The following PHKB variants were observed in gnomAD, a reference collection of about 807,000 sequenced individuals.
The protein encoded by PHKB is phosphorylase kinase regulatory subunit beta.
In PHKB, 122 loss-of-function variants were observed where a neutral mutation model predicts 152.1. The observed-to-expected ratio is 0.80, with a 90% CI of 0.69 to 0.93. PHKB has a LOEUF of 0.93. Ranked by LOEUF, PHKB falls within the 40% of genes least tolerant of loss-of-function variation. The pLI is 0.00. For missense variants in PHKB, 1,304 were observed against 1,328.4 expected (o/e 0.98, Z 0.29); for synonymous variants, 436 against 464.9 (o/e 0.94, Z 0.80).
intron 27 of PHKB, among the ~76,000 whole-genome samples, chr16:47,689,480 T>G (rs912220921): frequency 2.0e-5 from 3 of 152,210 alleles, no homozygotes; most frequent in Non-Finnish European, 4.4e-5. Flanking sequence ...TCAGTTTCCT[T>G]TCTGAACCTT....
At chr16:47,582,906 C>T (rs1971872631) in intron 8 of PHKB, among the ~76,000 whole-genome samples, 1 of 152,200 alleles carries the variant, frequency 6.6e-6, no homozygotes, top group Non-Finnish European at 1.5e-5. Flanking sequence ...AAGCGATTCT[C>T]CTGCCTCAGC....
chr16:47,543,925 T>C (rs1371003221), intron 6 of PHKB, among the ~76,000 whole-genome samples: 1 of 152,212 alleles, frequency 6.6e-6, no homozygotes, highest in East Asian at 1.9e-4. Flanking sequence ...ATGTAATACA[T>C]TTATTACATC....
At chr16:47,623,839 T>A (rs1765641505) in intron 14 of PHKB, among the ~76,000 whole-genome samples, 1 of 152,190 alleles carries the variant, frequency 6.6e-6, no homozygotes, top group South Asian at 2.1e-4. Flanking sequence ...ATTACAGGCG[T>A]GAGCCACCTC....
At chr16:47,495,809 G>A (rs1036158421) in intron 1 of PHKB, among the ~76,000 whole-genome samples, 2 of 152,154 alleles carry the variant, frequency 1.3e-5, no homozygotes, top group African/African-American at 4.8e-5. Flanking sequence ...GAGTACTGAT[G>A]TTCTGTATGT....
chr16:47,664,704 G>A (rs1973506661), intron 24 of PHKB, 181 bp from the exon 25 acceptor site: 1 of 622,614 alleles, frequency 1.6e-6, no homozygotes, highest in Non-Finnish European at 2.9e-6. Context: ...TTTCAAGTGT[G>A]GTCTGTAGTC....
Position 47,587,704 on chromosome 16 carries a change from G to A in PHKB, c.811G>A (p.Ala271Thr). 1.9e-6 allele frequency: 3 copies of A among 1,613,708 alleles called. No homozygotes were observed. Among genetic ancestry groups the A allele is most frequent in the Non-Finnish European group, 1.7e-6 (2 of 1,179,726 alleles). ...GTCAGTTATATTTGTGGATCTCGAT[G>A]CTCACAATCGCAACAGGCAAACTTT... ...SWSVIFVDLD[A>T]HNRNRQTLCS... Residue 271 changes from alanine to threonine, a missense_variant, in exon 9 of 31, where the codon GCT becomes ACT. Coordinates refer to ENST00000323584, the MANE Select transcript of PHKB (RefSeq NM_000293.3).
At chr16:47,583,122 A>G (rs1971877990) in intron 8 of PHKB, among the ~76,000 whole-genome samples, 1 of 152,238 alleles carries the variant, frequency 6.6e-6, no homozygotes, top group Admixed American at 6.5e-5. Context: ...AGCCACAAGA[A>G]TATCACATGT....
intron 1 of PHKB, among the ~76,000 whole-genome samples, chr16:47,472,648 T>G (rs889531195): frequency 6.6e-6 from 1 of 151,914 alleles, no homozygotes; most frequent in African/African-American, 2.4e-5. Flanking sequence ...CGAGGCGTGG[T>G]GGTGGGCACC....
At chr16:47,636,989 A>C (rs962393845) in intron 14 of PHKB, among the ~76,000 whole-genome samples, 1 of 152,152 alleles carries the variant, frequency 6.6e-6, no homozygotes, top group African/African-American at 2.4e-5. Flanking sequence ...TTCTGAGCCC[A>C]TAAAAACCAC....
chr16:47,664,896 G>C lies in PHKB; in HGVS notation c.2348G>C (p.Arg783Pro). The C allele has an allele frequency of 6.2e-7, 1 of 1,612,862 alleles. No individual in the cohort carries two copies. Among genetic ancestry groups the C allele is most frequent in the Non-Finnish European group, 8.5e-7 (1 of 1,179,086 alleles). ...ACTGACACACCCAGGTTGGCGGTGC[G>C]CTACGGGGCTGCATTTACCCAGAAA... Reference protein sequence around the residue: ...AGSQKLWLAVRYGAAFTQKFS... With the variant: ...AGSQKLWLAVPYGAAFTQKFS... Residue 783 changes from arginine to proline, a missense_variant, in exon 25 of 31, where the codon CGC (arginine) becomes CCC (proline). By Grantham distance (103) the Arg-to-Pro change is moderately radical. Transcript: ENST00000323584.
chr16:47,485,052 C>T lies in PHKB; in HGVS notation c.77-12347C>T, dbSNP rs1186648293. ...GTTATTGTTGCTTAGCTTTTCAACA[C>T]CTAGGATCATGCTAAACATCTTTTC... is the stretch of plus-strand genomic sequence containing the variant. On this transcript the variant is annotated intron_variant, in intron 1 of 30. Coordinates refer to ENST00000323584, the MANE Select transcript of PHKB (RefSeq NM_000293.3). Among the ~76,000 whole-genome samples, 4 of 152,128 alleles carry T rather than the reference C, an allele frequency of 2.6e-5. No homozygotes were observed. In the East Asian group the frequency reaches 5.8e-4, roughly 22 times the overall value.
At chr16:47,600,764 C>A (rs529667628) in intron 13 of PHKB, among the ~76,000 whole-genome samples, 6 of 152,124 alleles carry the variant, frequency 3.9e-5, no homozygotes, top group Non-Finnish European at 8.8e-5. Flanking sequence ...AATGTTTATA[C>A]GTGAAGATGT....
intron 14 of PHKB, among the ~76,000 whole-genome samples, chr16:47,629,161 A>G (rs1444236609): frequency 2.6e-5 from 4 of 152,168 alleles, no homozygotes; most frequent in African/African-American, 9.6e-5. Context: ...ACAAAAGCCA[A>G]AATTGACAAA....
At position 47,521,853 on chromosome 16, in the gene PHKB, C is replaced by T. The variant is rs1970691441; in HGVS notation, c.594+6252C>T. ...TTGTTTTTTATTTAATTAATATATA[C>T]TACTTCATTGATTGATTTTCTTATT... On this transcript the variant is annotated intron_variant, in intron 6 of 30. Transcript: ENST00000323584. Among the ~76,000 whole-genome samples the T allele has an allele frequency of 5.9e-5, 9 of 152,096 alleles. No individual in the cohort carries two copies. The South Asian group carries it at 1.9e-3, about 32-fold the overall frequency.
chr16:47,493,754 A>T (rs1032016027), intron 1 of PHKB, among the ~76,000 whole-genome samples: 3 of 152,236 alleles, frequency 2.0e-5, no homozygotes, highest in African/African-American at 7.2e-5. Flanking sequence ...AAGCTTCAGA[A>T]TTTAACTGGT....
intron 13 of PHKB, among the ~76,000 whole-genome samples, chr16:47,608,671 C>T (rs1972371436): frequency 6.6e-6 from 1 of 152,190 alleles, no homozygotes; most frequent in Non-Finnish European, 1.5e-5. Context: ...CACTGCACTC[C>T]ACCTGAGCAA....
At chr16:47,592,087 C>A (rs1320873540) in intron 10 of PHKB, among the ~76,000 whole-genome samples, 1 of 152,168 alleles carries the variant, frequency 6.6e-6, no homozygotes, top group Non-Finnish European at 1.5e-5. Context: ...GACAGCCCAA[C>A]AACAAAGAAT....
intron 20 of PHKB, among the ~76,000 whole-genome samples, chr16:47,654,103 A>C (rs2151733456): frequency 6.6e-6 from 1 of 152,336 alleles, no homozygotes; most frequent in East Asian, 1.9e-4. Context: ...CTTTCATTCA[A>C]AATTATCAGG....
chr16:47,609,450 G>A (rs943695802), intron 13 of PHKB, among the ~76,000 whole-genome samples: 1 of 100,656 alleles, frequency 9.9e-6, no homozygotes. Context: ...TGGGGGGGGG[G>A]CACAGTTTGT....
Sources: allele counts gnomAD v4.1 joint callset (sites outside exome capture counted in the v4.1 genomes callset), GRCh38; gene constraint gnomAD v4.1.1; transcripts MANE v1.5; gene names NCBI Gene and HGNC (gene_info 2026-07-23, HGNC 2026-07-21).